Variants in B3GALT1 observed in about 807,000 individuals in gnomAD.
B3GALT1 encodes UDP-Gal:betaGlcNAc beta 1,3-galactosyltransferase, polypeptide 1.
Under a neutral mutation model 23.2 loss-of-function variants are expected in B3GALT1, and 10 were observed. The ratio of observed to expected loss-of-function variants is 0.43; its 90% CI spans 0.27 to 0.73. The LOEUF is 0.73. Ranked by LOEUF, B3GALT1 falls within the 30% of genes least tolerant of loss-of-function variation. The probability of loss-of-function intolerance (pLI) is 0.21; values close to 1 mark genes in which losing one functional copy is unlikely to be tolerated. For synonymous variants in B3GALT1, 156 were observed against 141.5 expected (o/e 1.10, Z -0.73); for missense variants, 299 against 405.4 (o/e 0.74, Z 2.25).
chr2:167,455,931 T>C (rs1699163138), intron 1 of B3GALT1, among the ~76,000 whole-genome samples: 1 of 152,122 alleles, frequency 6.6e-6, no homozygotes, highest in African/African-American at 2.4e-5. Flanking sequence ...CCAACACATA[T>C]ATAATCACCT....
intron 1 of B3GALT1, among the ~76,000 whole-genome samples, chr2:167,376,687 T>C (rs979153661): frequency 6.6e-6 from 1 of 152,154 alleles, no homozygotes; most frequent in Non-Finnish European, 1.5e-5. Context: ...CGTTGTAATA[T>C]CACCTTTGTC....
chr2:167,863,697 C>T (rs1690150794), intron 4 of B3GALT1, among the ~76,000 whole-genome samples: 1 of 152,134 alleles, frequency 6.6e-6, no homozygotes, highest in Admixed American at 6.5e-5. Flanking sequence ...GGCCCATGGG[C>T]ATATTTTTGT....
chr2:167,494,267 T>G (rs1328895018), intron 2 of B3GALT1, among the ~76,000 whole-genome samples: 2 of 151,960 alleles, frequency 1.3e-5, no homozygotes, highest in African/African-American at 4.8e-5. Flanking sequence ...TGCAATACAG[T>G]TGCATCTATA....
At chr2:167,391,272 G>A (rs189876700) in intron 1 of B3GALT1, among the ~76,000 whole-genome samples, 66 of 152,332 alleles carry the variant, frequency 4.3e-4, no homozygotes, top group African/African-American at 1.4e-3. Flanking sequence ...AGGTTTGATC[G>A]TAGTCCCACA....
chr2:167,311,558 T>C (rs1428728911), intron 1 of B3GALT1, among the ~76,000 whole-genome samples: 6 of 152,052 alleles, frequency 3.9e-5, no homozygotes, highest in Non-Finnish European at 5.9e-5. Context: ...AATAATCATA[T>C]GTAAACTATA....
At chr2:167,495,454 C>T (rs1046684110) in intron 2 of B3GALT1, among the ~76,000 whole-genome samples, 1 of 151,732 alleles carries the variant, frequency 6.6e-6, no homozygotes, top group Admixed American at 6.6e-5. Context: ...CTGCCTCAGC[C>T]TCCCGAGTAG....
At chr2:167,366,533 A>G (rs188287516) in intron 1 of B3GALT1, among the ~76,000 whole-genome samples, 1 of 152,198 alleles carries the variant, frequency 6.6e-6, no homozygotes, top group African/African-American at 2.4e-5. Context: ...GGGTTCATCA[A>G]AACATGATAA....
intron 2 of B3GALT1, among the ~76,000 whole-genome samples, chr2:167,608,469 TA>T (rs1441879127): frequency 2.0e-5 from 3 of 152,172 alleles, no homozygotes; most frequent in African/African-American, 7.2e-5. Flanking sequence ...CTTAATCTTT[TA>T]AATTTAGGTG....
chr2:167,732,651 G>A (rs1216844352), intron 3 of B3GALT1, among the ~76,000 whole-genome samples: 1 of 152,188 alleles, frequency 6.6e-6, no homozygotes, highest in Non-Finnish European at 1.5e-5. Context: ...GGTTGGGGAG[G>A]GAGTAGAAAA....
At chr2:167,477,554 A>G (rs1699504866) in intron 1 of B3GALT1, among the ~76,000 whole-genome samples, 1 of 152,222 alleles carries the variant, frequency 6.6e-6, no homozygotes, top group South Asian at 2.1e-4. Flanking sequence ...CGTTTCTACT[A>G]AGTCTGAAAT....
chr2:167,604,227 T>C (rs962228064), intron 2 of B3GALT1, among the ~76,000 whole-genome samples: 2 of 152,146 alleles, frequency 1.3e-5, no homozygotes, highest in Non-Finnish European at 2.9e-5. Context: ...GAAACTTTAA[T>C]ATACTGATGC....
At chr2:167,619,320 T>G (rs1409294897) in intron 2 of B3GALT1, among the ~76,000 whole-genome samples, 1 of 152,008 alleles carries the variant, frequency 6.6e-6, no homozygotes, top group African/African-American at 2.4e-5. Flanking sequence ...TATCACAATT[T>G]GCAGTTATAT....
chr2:167,458,939 C>G (rs536596478), intron 1 of B3GALT1, among the ~76,000 whole-genome samples: 32 of 152,246 alleles, frequency 2.1e-4, no homozygotes, highest in African/African-American at 6.0e-4. Context: ...CACCCCTGCT[C>G]TCTTTTGGTT....
intron 2 of B3GALT1, among the ~76,000 whole-genome samples, chr2:167,606,249 C>A (rs761832259): frequency 2.6e-5 from 4 of 152,130 alleles, no homozygotes; most frequent in African/African-American, 4.8e-5. Context: ...ATGTCCAGTT[C>A]TGGCCTGAGC....
At chr2:167,566,244 C>T (rs965588849) in intron 2 of B3GALT1, among the ~76,000 whole-genome samples, 7 of 151,708 alleles carry the variant, frequency 4.6e-5, no homozygotes, top group Non-Finnish European at 1.0e-4. Flanking sequence ...AATAAACTAT[C>T]GCAAGGAGAA....
intron 3 of B3GALT1, among the ~76,000 whole-genome samples, chr2:167,796,563 A>G (rs1256194200): frequency 6.6e-6 from 1 of 152,186 alleles, no homozygotes; most frequent in Non-Finnish European, 1.5e-5. Flanking sequence ...CCTGGCCAAC[A>G]TGGCAAAGCC....
At chr2:167,641,180 C>T (rs1685646924) in intron 2 of B3GALT1, among the ~76,000 whole-genome samples, 1 of 152,132 alleles carries the variant, frequency 6.6e-6, no homozygotes, top group African/African-American at 2.4e-5. Flanking sequence ...ATAATAATTA[C>T]AATTATCAGC....
At chr2:167,753,708 A>G (rs866335889) in intron 3 of B3GALT1, among the ~76,000 whole-genome samples, 10 of 152,194 alleles carry the variant, frequency 6.6e-5, no homozygotes, top group Non-Finnish European at 1.0e-4. Context: ...TTGCTTGCCA[A>G]TGATTTCTCA....
chr2:167,764,246 C>T (rs1481933540), intron 3 of B3GALT1, among the ~76,000 whole-genome samples: 5 of 152,214 alleles, frequency 3.3e-5, no homozygotes, highest in African/African-American at 1.2e-4. Context: ...ATTGGGTTAC[C>T]AACATTAGTC....
Sources: gnomAD v4.1 joint callset for allele counts (sites outside exome capture counted in the v4.1 genomes callset) on GRCh38, gnomAD v4.1.1 for gene constraint, MANE v1.5 for transcripts, NCBI Gene and HGNC (gene_info 2026-07-23, HGNC 2026-07-21) for gene names.